Variants in PTPRD observed in about 807,000 individuals in gnomAD.
PTPRD encodes the protein protein tyrosine phosphatase receptor type D.
PTPRD carries 34 observed loss-of-function variants against 214.5 expected under a neutral mutation model. That is an observed-to-expected ratio of 0.16 (90% confidence interval 0.12 to 0.21). The LOEUF is 0.21. Among genes scored for constraint, PTPRD ranks in the 10% least tolerant of loss-of-function variants. The probability of loss-of-function intolerance (pLI) is 1.00; values close to 1 mark genes in which losing one functional copy is unlikely to be tolerated. For missense variants in PTPRD, 2,545 were observed against 2,398.7 expected (o/e 1.06, Z -1.27); for synonymous variants, 1,128 against 845.7 (o/e 1.33, Z -5.79).
chr9:9,535,100 A>C (rs2076249842), intron 8 of PTPRD, among the ~76,000 whole-genome samples: 1 of 152,016 alleles, frequency 6.6e-6, no homozygotes, highest in Admixed American at 6.6e-5. Context: ...TGAGTGGCTA[A>C]TTTGCACACC....
At chr9:8,413,156 C>T (rs967853531) in intron 35 of PTPRD, among the ~76,000 whole-genome samples, 1 of 152,066 alleles carries the variant, frequency 6.6e-6, no homozygotes, top group African/African-American at 2.4e-5. Flanking sequence ...ATTTTTCTTC[C>T]TATTATTTTT....
intron 3 of PTPRD, among the ~76,000 whole-genome samples, chr9:10,164,978 G>C (rs184013088): frequency 1.2e-3 from 177 of 151,360 alleles, no homozygotes; most frequent in Non-Finnish European, 1.1e-3. Flanking sequence ...CTATCCAAAA[G>C]TCATTAAGGA....
At chr9:10,116,322 G>A (rs1477122559) in intron 3 of PTPRD, among the ~76,000 whole-genome samples, 1 of 151,896 alleles carries the variant, frequency 6.6e-6, no homozygotes, top group Non-Finnish European at 1.5e-5. Flanking sequence ...ATAGACAAAT[G>A]GTTATTAACT....
chr9:9,175,634 A>C (rs1275903920), intron 10 of PTPRD, among the ~76,000 whole-genome samples: 6 of 151,098 alleles, frequency 4.0e-5, no homozygotes, highest in South Asian at 2.1e-4. Flanking sequence ...AAAAAAAAAA[A>C]AAAAAAAAAA....
At chr9:9,874,252 G>A (rs78405932) in intron 5 of PTPRD, among the ~76,000 whole-genome samples, 1,838 of 152,202 alleles carry the variant, frequency 0.012, 22 homozygotes, top group Middle Eastern at 0.038. Flanking sequence ...GTATACAGGG[G>A]AGCTCTACTA....
At chr9:8,952,904 G>A (rs2099110669) in intron 11 of PTPRD, among the ~76,000 whole-genome samples, 1 of 151,770 alleles carries the variant, frequency 6.6e-6, no homozygotes, top group South Asian at 2.1e-4. Context: ...TAACAAAGAA[G>A]AATCAATTGA....
intron 11 of PTPRD, among the ~76,000 whole-genome samples, chr9:8,747,359 G>T (rs1433138139): frequency 6.6e-6 from 1 of 152,050 alleles, no homozygotes; most frequent in African/African-American, 2.4e-5. Flanking sequence ...CAACAATATG[G>T]AAAGAAAGGG....
chr9:8,494,599 G>C (rs2097219684), intron 26 of PTPRD, among the ~76,000 whole-genome samples: 1 of 152,176 alleles, frequency 6.6e-6, no homozygotes, highest in Admixed American at 6.5e-5. Context: ...ACTGGAAAAA[G>C]CAGCAAGGCT....
rs575458045 is a variant in PTPRD, at chr9:9,961,820, A to T, written c.-471-23210T>A. ...AATCTAGAAGTCACAGTCCATTAAA[A>T]TGCAAAACATAGTTATTGTCACATA... On this transcript the variant is annotated intron_variant, in intron 4 of 45. Transcript: ENST00000381196. 7.9e-5 allele frequency among the ~76,000 whole-genome samples: 12 copies of T among 152,284 alleles called. No homozygotes were observed. The East Asian group carries it at 2.1e-3, about 27-fold the overall frequency.
At chr9:10,078,058 G>T (rs1298461360) in intron 3 of PTPRD, among the ~76,000 whole-genome samples, 3 of 151,736 alleles carry the variant, frequency 2.0e-5, no homozygotes, top group Non-Finnish European at 2.9e-5. Context: ...ACAAGTGGCT[G>T]GAGATGGAAT....
chr9:10,525,062 T>C (rs1394647653), intron 2 of PTPRD, among the ~76,000 whole-genome samples: 1 of 152,026 alleles, frequency 6.6e-6, no homozygotes, highest in Non-Finnish European at 1.5e-5. Flanking sequence ...GTGGTCTTTA[T>C]TTTCTCTCAA....
intron 7 of PTPRD, among the ~76,000 whole-genome samples, chr9:9,724,760 G>A (rs932634007): frequency 2.0e-5 from 3 of 152,058 alleles, no homozygotes; most frequent in Non-Finnish European, 2.9e-5. Context: ...TGCTCTTTAA[G>A]GTATCCCCAT....
At chr9:10,312,304 T>G (rs527392258) in intron 3 of PTPRD, among the ~76,000 whole-genome samples, 2 of 152,134 alleles carry the variant, frequency 1.3e-5, no homozygotes, top group African/African-American at 4.8e-5. Context: ...TGAGGCTATT[T>G]TGTAAAGAAC....
chr9:9,750,465 C>T (rs1405307764), intron 6 of PTPRD, among the ~76,000 whole-genome samples: 1 of 152,142 alleles, frequency 6.6e-6, no homozygotes, highest in Non-Finnish European at 1.5e-5. Context: ...TGATCCAAAA[C>T]TTCTCCTCCC....
intron 9 of PTPRD, among the ~76,000 whole-genome samples, chr9:9,317,651 T>G (rs1046365760): frequency 3.3e-5 from 5 of 152,042 alleles, no homozygotes; most frequent in Non-Finnish European, 5.9e-5. Flanking sequence ...TGTTATATTT[T>G]GAAAAAAATT....
intron 12 of PTPRD, among the ~76,000 whole-genome samples, chr9:8,653,721 G>C (rs1010185208): frequency 1.3e-5 from 2 of 152,088 alleles, no homozygotes; most frequent in African/African-American, 4.8e-5. Context: ...CCAAGAGATC[G>C]ATGCTTTTGC....
chr9:9,629,293 ATATAT>A (rs1365320023), intron 7 of PTPRD, among the ~76,000 whole-genome samples: 1 of 150,464 alleles, frequency 6.6e-6, no homozygotes, highest in East Asian at 1.9e-4. Flanking sequence ...ATGTGTATAT[ATATAT>A]TATATTTTAG....
chr9:10,170,662 G>A (rs1274380981), intron 3 of PTPRD, among the ~76,000 whole-genome samples: 1 of 152,146 alleles, frequency 6.6e-6, no homozygotes, highest in Non-Finnish European at 1.5e-5. Context: ...ACTCCAGCCT[G>A]GGCGACAGAG....
At chr9:9,686,794 T>C (rs2097173757) in intron 7 of PTPRD, among the ~76,000 whole-genome samples, 1 of 151,746 alleles carries the variant, frequency 6.6e-6, no homozygotes, top group Admixed American at 6.6e-5. Flanking sequence ...AATATAACTA[T>C]AAGCAAAGAG....
Sources: allele counts gnomAD v4.1 joint callset (sites outside exome capture counted in the v4.1 genomes callset), GRCh38; gene constraint gnomAD v4.1.1; transcripts MANE v1.5; gene names NCBI Gene and HGNC (gene_info 2026-07-23, HGNC 2026-07-21).